The following RAD18 variants were observed in gnomAD, a reference collection of about 807,000 sequenced individuals.
RAD18 encodes E3 ubiquitin-protein ligase RAD18.
In RAD18, 47 loss-of-function variants were observed where a neutral mutation model predicts 60.4. That is an observed-to-expected ratio of 0.78 (90% CI 0.62 to 0.99). RAD18 has a LOEUF of 0.99. Ranked by LOEUF, RAD18 falls within the 50% of genes least tolerant of loss-of-function variation. The probability of loss-of-function intolerance (pLI) is 0.00; values close to 1 mark genes in which losing one functional copy is unlikely to be tolerated. For missense variants in RAD18, 640 were observed against 593.3 expected (o/e 1.08, Z -0.82); for synonymous variants, 225 against 195.5 (o/e 1.15, Z -1.26).
chr3:8,942,239 G>C (rs780897006), intron 4 of RAD18, among the ~76,000 whole-genome samples: 5 of 152,112 alleles, frequency 3.3e-5, no homozygotes, highest in Non-Finnish European at 7.4e-5. Context: ...CCTTAGTGCT[G>C]TCCTTGTAAC....
At chr3:8,909,832 G>A (rs1940076753) in intron 9 of RAD18, among the ~76,000 whole-genome samples, 1 of 152,098 alleles carries the variant, frequency 6.6e-6, no homozygotes, top group South Asian at 2.1e-4. Flanking sequence ...ACTAACAATA[G>A]CTGATGAGAG....
At chr3:8,950,857 A>G (rs988827986) in intron 2 of RAD18, among the ~76,000 whole-genome samples, 3 of 152,256 alleles carry the variant, frequency 2.0e-5, no homozygotes, top group Admixed American at 2.0e-4. Flanking sequence ...TGCTAGCGAT[A>G]AAAAGAACCG....
chr3:8,924,610 C>T (rs186786183), intron 7 of RAD18, among the ~76,000 whole-genome samples: 65,788 of 103,926 alleles, frequency 0.63, 21,776 homozygotes, highest in Middle Eastern at 0.76. Flanking sequence ...AGAATATACA[C>T]TCTTCTCAGC....
intron 7 of RAD18, among the ~76,000 whole-genome samples, chr3:8,934,355 CA>C (rs1172027594): frequency 1.3e-5 from 2 of 152,092 alleles, no homozygotes; most frequent in East Asian, 3.8e-4. Context: ...ATACATCCAG[CA>C]AAAGATTTTT....
chr3:8,884,877 TA>T (rs1262177295), intron 12 of RAD18, among the ~76,000 whole-genome samples: 3 of 152,258 alleles, frequency 2.0e-5, no homozygotes, highest in Admixed American at 6.5e-5. Context: ...CTTACTGGAA[TA>T]ACACTTCATA....
At chr3:8,900,443 T>G (rs1939888518) in intron 10 of RAD18, among the ~76,000 whole-genome samples, 1 of 152,240 alleles carries the variant, frequency 6.6e-6, no homozygotes, top group Non-Finnish European at 1.5e-5. Flanking sequence ...ATTGTCTGTA[T>G]TCTTTTCTTA....
intron 3 of RAD18, among the ~76,000 whole-genome samples, chr3:8,948,229 G>A (rs1574825854): frequency 6.6e-6 from 1 of 152,114 alleles, no homozygotes; most frequent in Non-Finnish European, 1.5e-5. Context: ...ACCAAAGTGA[G>A]AAATTATTAA....
intron 4 of RAD18, among the ~76,000 whole-genome samples, chr3:8,944,089 A>T (rs1940800457): frequency 6.6e-6 from 1 of 152,190 alleles, no homozygotes; most frequent in African/African-American, 2.4e-5. Context: ...AGAAAATACA[A>T]ATTACCAAAA....
At chr3:8,912,953 T>G (rs1414671122) in intron 8 of RAD18, among the ~76,000 whole-genome samples, 2 of 152,192 alleles carry the variant, frequency 1.3e-5, no homozygotes, top group Admixed American at 1.3e-4. Context: ...TAAATCCCAT[T>G]TTTTTCCTAC....
At chr3:8,889,390 G>A (rs554390855) in intron 12 of RAD18, among the ~76,000 whole-genome samples, 1 of 152,286 alleles carries the variant, frequency 6.6e-6, no homozygotes, top group African/African-American at 2.4e-5. Flanking sequence ...GATCACACAT[G>A]TATTTACTAT....
intron 7 of RAD18, among the ~76,000 whole-genome samples, chr3:8,933,716 T>C (rs1223094990): frequency 6.6e-6 from 1 of 152,156 alleles, no homozygotes; most frequent in Non-Finnish European, 1.5e-5. Flanking sequence ...GGACAAACCA[T>C]ATTCATGAAT....
intron 2 of RAD18, among the ~76,000 whole-genome samples, chr3:8,951,937 G>A (rs1158624019): frequency 2.0e-5 from 3 of 152,208 alleles, no homozygotes; most frequent in African/African-American, 7.2e-5. Flanking sequence ...CTCCCATGAG[G>A]GGGTGAGGAG....
intron 7 of RAD18, among the ~76,000 whole-genome samples, chr3:8,927,570 A>T (rs1487867712): frequency 6.6e-6 from 1 of 152,246 alleles, no homozygotes; most frequent in Non-Finnish European, 1.5e-5. Context: ...GTATATACCC[A>T]AAGGATTATA....
At chr3:8,892,731 T>C (rs1939714479) in intron 11 of RAD18, among the ~76,000 whole-genome samples, 1 of 152,232 alleles carries the variant, frequency 6.6e-6, no homozygotes, top group Non-Finnish European at 1.5e-5. Flanking sequence ...TATTTCATTC[T>C]ACTAGTAAAG....
chr3:8,922,058 T>A lies in RAD18; in HGVS notation c.890-8338A>T, dbSNP rs145852333. 3.9e-3 allele frequency among the ~76,000 whole-genome samples: 592 copies of A among 152,236 alleles called. 3 individuals are homozygous for A. Among genetic ancestry groups the A allele is most frequent in the Middle Eastern group, 0.034 (10 of 294 alleles). Reference sequence around the variant, plus strand: ...CTGCATTTCCAACTGAGGTACCAGGTTCATCTCACTGGGGATTTTCGGACA... The same window carrying A: ...CTGCATTTCCAACTGAGGTACCAGGATCATCTCACTGGGGATTTTCGGACA... On this transcript the variant is annotated intron_variant, in intron 7 of 12. Transcript: ENST00000264926.
Position 8,941,749 on chromosome 3 carries a change from A to G in RAD18, c.322T>C (p.Ser108Pro). The change falls in exon 5 of 13, where the codon TCT (serine) becomes CCT (proline). Residue 108 changes from serine to proline, a missense_variant. Physicochemically the swap from Ser to Pro is moderately conservative, Grantham distance 74. Transcript: ENST00000264926. ...ESPAKSPASS[S>P]SKNLAVKVYT... ...ACTTTGACAGCAAGATTCTTTGAAG[A>G]GGAAGAAGCAGGAGATTTGGCTGGT... 6.2e-7 allele frequency: 1 copy of G among 1,614,144 alleles called. No individual in the cohort carries two copies. Among genetic ancestry groups the G allele is most frequent in the Non-Finnish European group, 8.5e-7 (1 of 1,179,992 alleles).
At chr3:8,887,518 C>T (rs1017063518) in intron 12 of RAD18, among the ~76,000 whole-genome samples, 13 of 152,324 alleles carry the variant, frequency 8.5e-5, no homozygotes, top group African/African-American at 2.9e-4. Flanking sequence ...TATTTTCATT[C>T]TGTTCAATGT....
chr3:8,919,729 A>G (rs1940280668), intron 7 of RAD18, among the ~76,000 whole-genome samples: 1 of 152,246 alleles, frequency 6.6e-6, no homozygotes, highest in South Asian at 2.1e-4. Flanking sequence ...GGTTTCACCA[A>G]TAAAAAGGAC....
chr3:8,961,599 T>A (rs1476301902), intron 1 of RAD18, among the ~76,000 whole-genome samples: 1 of 152,234 alleles, frequency 6.6e-6, no homozygotes, highest in South Asian at 2.1e-4. Flanking sequence ...TAGTTCTTTG[T>A]GCCTGGAAGA....
Sources: gnomAD v4.1 joint callset for allele counts (sites outside exome capture counted in the v4.1 genomes callset) on GRCh38, gnomAD v4.1.1 for gene constraint, MANE v1.5 for transcripts, NCBI Gene and HGNC (gene_info 2026-07-23, HGNC 2026-07-21) for gene names.